The following GPC3 variants were observed in gnomAD, a reference collection of about 807,000 sequenced individuals.
GPC3 encodes glypican 3.
GPC3 carries 3 observed loss-of-function variants against 34.4 expected under a neutral mutation model. The ratio of observed to expected loss-of-function variants is 0.09; its 90% CI spans 0.04 to 0.23. GPC3 has a LOEUF of 0.23. GPC3 is among the 10% of genes least tolerant of loss of function. The pLI is 1.00. For missense variants in GPC3, 351 were observed against 445.6 expected (o/e 0.79, Z 1.91); for synonymous variants, 177 against 174.0 (o/e 1.02, Z -0.13).
intron 2 of GPC3, among the ~76,000 whole-genome samples, chrX:133,921,087 A>T (rs1354609113): frequency 8.9e-6 from 1 of 112,334 alleles, no homozygotes; most frequent in East Asian, 2.8e-4. Context: ...ATTTAATCAG[A>T]TTTTCTTTTA....
At chrX:133,612,324 C>T (rs926728978) in intron 6 of GPC3, among the ~76,000 whole-genome samples, 3 of 112,234 alleles carry the variant, frequency 2.7e-5, no homozygotes, top group African/African-American at 9.7e-5. Context: ...GAAATATTAT[C>T]TTGCTTTTAG....
intron 2 of GPC3, among the ~76,000 whole-genome samples, chrX:133,798,170 C>A: frequency 9.0e-6 from 1 of 111,129 alleles, no homozygotes; most frequent in East Asian, 2.8e-4. Context: ...GAGAGCAAAC[C>A]AGTTTTCCTT....
chrX:133,843,992 A>G (rs1356886754), intron 2 of GPC3, among the ~76,000 whole-genome samples: 2 of 112,057 alleles, frequency 1.8e-5, no homozygotes, highest in Non-Finnish European at 3.8e-5. Context: ...GAAGACAATC[A>G]TCACCAGAAA....
chrX:133,730,852 T>A (rs957035481), intron 3 of GPC3, among the ~76,000 whole-genome samples: 3 of 111,782 alleles, frequency 2.7e-5, no homozygotes, highest in Admixed American at 9.5e-5. Flanking sequence ...CCAGAAGCCA[T>A]GTTTTAGTTC....
chrX:133,611,388 A>G (rs2070111032), intron 6 of GPC3, among the ~76,000 whole-genome samples: 1 of 111,955 alleles, frequency 8.9e-6, no homozygotes, highest in Non-Finnish European at 1.9e-5. Context: ...CAGTGCAAGA[A>G]GAGGAAAAGG....
At chrX:133,620,551 T>C (rs1473877584) in intron 6 of GPC3, among the ~76,000 whole-genome samples, 2 of 111,391 alleles carry the variant, frequency 1.8e-5, no homozygotes, top group Admixed American at 9.6e-5. Flanking sequence ...GACCACTCCT[T>C]GCTCAGCCCA....
chrX:133,622,963 G>A (rs1410689214), intron 6 of GPC3, among the ~76,000 whole-genome samples: 8 of 112,072 alleles, frequency 7.1e-5, no homozygotes, highest in South Asian at 7.4e-4. Flanking sequence ...CTGATCTCTC[G>A]GCAAAAACTC....
At chrX:133,829,404 A>G (rs1287956632) in intron 2 of GPC3, among the ~76,000 whole-genome samples, 1 of 112,178 alleles carries the variant, frequency 8.9e-6, no homozygotes, top group Non-Finnish European at 1.9e-5. Context: ...AATAATGCAT[A>G]GTATAACTAG....
chrX:133,827,286 C>T (rs939586751), intron 2 of GPC3, among the ~76,000 whole-genome samples: 1 of 112,079 alleles, frequency 8.9e-6, no homozygotes, highest in Non-Finnish European at 1.9e-5. Flanking sequence ...ATAAAGAACA[C>T]AGGTAACAGT....
rs373795787 is a variant in GPC3, at chrX:133,608,181, G to A, written c.1414-11582C>T. 2.7e-5 allele frequency among the ~76,000 whole-genome samples: 3 copies of A among 112,992 alleles called. No individual in the cohort carries two copies. The East Asian group carries it at 8.4e-4, about 32-fold the overall frequency. Reference sequence around the variant, plus strand: ...GCTGTGGCAGCAAAGTGCAAACACAGCAAGGCACCCTTGCGGGCCACCAAG... The same window carrying A: ...GCTGTGGCAGCAAAGTGCAAACACAACAAGGCACCCTTGCGGGCCACCAAG... On this transcript the variant is annotated intron_variant, in intron 6 of 7. Coordinates refer to ENST00000370818, the MANE Select transcript of GPC3 (RefSeq NM_004484.4).
chrX:133,954,738 C>CTTTTTTTTTTTT (rs1166218378), intron 1 of GPC3, among the ~76,000 whole-genome samples: 1 of 53,788 alleles, frequency 1.9e-5, no homozygotes, highest in African/African-American at 7.7e-5. Flanking sequence ...CAAACTTTCT[C>CTTTTTTTTTTTT]TTTTTTTTTT....
At chrX:133,680,017 T>A (rs1243482648) in intron 5 of GPC3, among the ~76,000 whole-genome samples, 1 of 111,446 alleles carries the variant, frequency 9.0e-6, no homozygotes, top group Non-Finnish European at 1.9e-5. Flanking sequence ...AAGCTCTCAA[T>A]ATAGTGTCGC....
chrX:133,625,482 C>A (rs1298724523), intron 6 of GPC3, among the ~76,000 whole-genome samples: 2 of 111,885 alleles, frequency 1.8e-5, no homozygotes, highest in Non-Finnish European at 1.9e-5. Context: ...AGGATACAAA[C>A]TCAATGTGCA....
chrX:133,958,724 C>CA lies in GPC3; in HGVS notation c.176-5514dup, dbSNP rs1180723052. Among the ~76,000 whole-genome samples, 588 of 76,408 alleles carry CA rather than the reference C, an allele frequency of 7.7e-3. 2 individuals are homozygous for CA. Among genetic ancestry groups the CA allele is most frequent in the Admixed American group, 0.013 (87 of 6,916 alleles). 66.4% of individuals were successfully genotyped at this position (76,408 alleles called of 115,157 possible). ...CATCTCTACTGAAAAAAAAAAAAAA[C>CA]AAAAAAAAAAAACAGCCAGGCAATG... On this transcript the variant is annotated intron_variant, in intron 1 of 7. Transcript: ENST00000370818.
intron 6 of GPC3, among the ~76,000 whole-genome samples, chrX:133,611,662 T>C (rs902943122): frequency 1.8e-5 from 2 of 112,215 alleles, no homozygotes; most frequent in African/African-American, 6.5e-5. Flanking sequence ...TTTGTTAATA[T>C]AAATGGTAAA....
At chrX:133,853,230 G>C (rs1238641678) in intron 2 of GPC3, among the ~76,000 whole-genome samples, 2 of 111,633 alleles carry the variant, frequency 1.8e-5, no homozygotes, top group African/African-American at 3.3e-5. Flanking sequence ...TGTGAGATAT[G>C]TATGTATATG....
At chrX:133,884,741 G>A (rs1408884005) in intron 2 of GPC3, among the ~76,000 whole-genome samples, 4 of 111,608 alleles carry the variant, frequency 3.6e-5, no homozygotes, top group African/African-American at 1.3e-4. Flanking sequence ...ACATACAAAC[G>A]TCAAAGCTAG....
At chrX:133,775,585 A>C (rs1172326229) in intron 2 of GPC3, among the ~76,000 whole-genome samples, 1 of 111,754 alleles carries the variant, frequency 8.9e-6, no homozygotes, top group African/African-American at 3.3e-5. Context: ...ATTTCAGTAT[A>C]AGATTGTAAA....
chrX:133,704,886 T>C (rs1004605599), intron 3 of GPC3, among the ~76,000 whole-genome samples: 1 of 111,491 alleles, frequency 9.0e-6, no homozygotes, highest in Admixed American at 9.5e-5. Context: ...AATTCACTCC[T>C]ATACTCTATA....
Sources: allele counts gnomAD v4.1 joint callset (sites outside exome capture counted in the v4.1 genomes callset), GRCh38; gene constraint gnomAD v4.1.1; transcripts MANE v1.5; gene names NCBI Gene and HGNC (gene_info 2026-07-23, HGNC 2026-07-21).